Variants in SCN2A observed in about 807,000 individuals in gnomAD.
The protein encoded by SCN2A is sodium channel protein type 2 subunit alpha.
In SCN2A, 20 loss-of-function variants were observed where a neutral mutation model predicts 188.7. That is an observed-to-expected ratio of 0.11 (90% CI 0.07 to 0.15). The LOEUF (loss-of-function observed/expected upper bound fraction) is 0.15, where lower values mean the gene tolerates loss of function less well. SCN2A is among the 10% of genes least tolerant of loss of function. SCN2A has a pLI of 1.00. For missense variants in SCN2A, 1,278 were observed against 2,445.0 expected (o/e 0.52, Z 10.07); for synonymous variants, 804 against 833.1 (o/e 0.97, Z 0.60).
intron 22 of SCN2A, among the ~76,000 whole-genome samples, chr2:165,375,405 A>ACG (rs1701255023): frequency 6.6e-6 from 1 of 151,784 alleles, no homozygotes; most frequent in Non-Finnish European, 1.5e-5. Context: ...ATATATGTAT[A>ACG]TGTATATATA....
intron 1 of SCN2A, among the ~76,000 whole-genome samples, chr2:165,255,199 C>G (rs1470506638): frequency 1.3e-5 from 2 of 151,658 alleles, no homozygotes; most frequent in African/African-American, 4.8e-5. Flanking sequence ...TTGATTTTCC[C>G]ATAGGGGTAT....
intron 1 of SCN2A, among the ~76,000 whole-genome samples, chr2:165,266,073 C>A (rs1694847977): frequency 6.6e-6 from 1 of 151,858 alleles, no homozygotes; most frequent in Non-Finnish European, 1.5e-5. Flanking sequence ...TTGGAAAGAT[C>A]ATCATTTTAC....
At chr2:165,367,943 C>G (rs1426447894) in intron 19 of SCN2A, among the ~76,000 whole-genome samples, 1 of 152,168 alleles carries the variant, frequency 6.6e-6, no homozygotes, top group Admixed American at 6.5e-5. Context: ...TTACAGTGCC[C>G]TTTTAGCTTT....
At chr2:165,259,931 A>ATTTTTTTTTTTTTTTTTTTTTTTTTT (rs140137535) in intron 1 of SCN2A, among the ~76,000 whole-genome samples, 1 of 89,494 alleles carries the variant, frequency 1.1e-5, no homozygotes, top group African/African-American at 4.6e-5. Flanking sequence ...CTAAAAATGG[A>ATTTTTTTTTTTTTTTTTTTTTTTTTT]TTTTTTTTTT....
At chr2:165,303,483 G>A (rs1050764482) in intron 3 of SCN2A, among the ~76,000 whole-genome samples, 3 of 151,888 alleles carry the variant, frequency 2.0e-5, no homozygotes, top group African/African-American at 4.8e-5. Context: ...CACCGTGTTA[G>A]CCAGGGTGGT....
intron 14 of SCN2A, among the ~76,000 whole-genome samples, chr2:165,332,576 C>G (rs1371451060): frequency 6.6e-6 from 1 of 151,914 alleles, no homozygotes; most frequent in East Asian, 1.9e-4. Flanking sequence ...ACTCTGAAAG[C>G]TATTTCAGAG....
chr2:165,311,151 G>T (rs1156668746), intron 7 of SCN2A, among the ~76,000 whole-genome samples: 1 of 137,688 alleles, frequency 7.3e-6, no homozygotes, highest in Non-Finnish European at 1.6e-5. Context: ...TCATTGTATT[G>T]TAGTTACCAG....
intron 3 of SCN2A, among the ~76,000 whole-genome samples, chr2:165,299,594 G>A (rs1696695452): frequency 6.6e-6 from 1 of 152,206 alleles, no homozygotes; most frequent in South Asian, 2.1e-4. Context: ...ATCCTTCCAT[G>A]TTTTGGTGAT....
chr2:165,258,113 A>C (rs1298229689), intron 1 of SCN2A, among the ~76,000 whole-genome samples: 1 of 152,132 alleles, frequency 6.6e-6, no homozygotes, highest in Non-Finnish European at 1.5e-5. Flanking sequence ...CCCATTCTGT[A>C]GGTTGTCAGT....
At chr2:165,377,743 T>A in intron 23 of SCN2A, 93 bp downstream of exon 23, 4 of 1,032,292 alleles carry the variant, frequency 3.9e-6, no homozygotes, top group Non-Finnish European at 5.8e-6. Flanking sequence ...AATAAAATTA[T>A]GTGCTTAATT....
intron 18 of SCN2A, among the ~76,000 whole-genome samples, chr2:165,366,105 G>A (rs1700713328): frequency 6.6e-6 from 1 of 152,008 alleles, no homozygotes; most frequent in South Asian, 2.1e-4. Context: ...TATCCTTCAA[G>A]ATCTAGTCTC....
At chr2:165,380,005 CA>C (rs1206204113) in intron 23 of SCN2A, among the ~76,000 whole-genome samples, 1 of 151,782 alleles carries the variant, frequency 6.6e-6, no homozygotes, top group African/African-American at 2.4e-5. Context: ...AAGGAAAGAT[CA>C]ACCTATATAC....
At position 165,340,899 on chromosome 2, in the gene SCN2A, T is replaced by C. The variant is rs562786249; in HGVS notation, c.2389-1397T>C. Reference sequence around the variant, plus strand: ...TTTGGATTTATTGGTGATGTCGGTCTTGTTGGTGAAGTTTGTTAAAGCCAT... The same window carrying C: ...TTTGGATTTATTGGTGATGTCGGTCCTGTTGGTGAAGTTTGTTAAAGCCAT... On this transcript the variant is annotated intron_variant, in intron 14 of 26. Transcript: ENST00000375437. 3.9e-5 allele frequency among the ~76,000 whole-genome samples: 6 copies of C among 152,294 alleles called. No homozygotes were observed. The South Asian group carries it at 1.0e-3, about 26-fold the overall frequency.
At chr2:165,263,092 TG>T in intron 1 of SCN2A, among the ~76,000 whole-genome samples, 1 of 152,196 alleles carries the variant, frequency 6.6e-6, no homozygotes, top group Non-Finnish European at 1.5e-5. Flanking sequence ...TGAGATTGTT[TG>T]TTTTTTTCTG....
chr2:165,372,935 T>C (rs1389631862), intron 20 of SCN2A: 4 of 261,308 alleles, frequency 1.5e-5, no homozygotes, highest in Non-Finnish European at 3.0e-5. Flanking sequence ...TTTAAAAACA[T>C]TTCCTACCAA....
chr2:165,284,606 G>A (rs562240403), intron 1 of SCN2A, among the ~76,000 whole-genome samples: 23 of 152,160 alleles, frequency 1.5e-4, no homozygotes, highest in African/African-American at 5.1e-4. Flanking sequence ...AAGAGAATGG[G>A]GACTGATGGA....
intron 20 of SCN2A, chr2:165,370,587 C>CT (rs917091102): frequency 8.8e-6 from 3 of 342,440 alleles, no homozygotes; most frequent in African/African-American, 6.2e-5. Context: ...AGAAATTTTG[C>CT]TTTTTGCACA....
chr2:165,352,482 A>G (rs879789045), intron 16 of SCN2A, among the ~76,000 whole-genome samples: 1 of 152,170 alleles, frequency 6.6e-6, no homozygotes, highest in Admixed American at 6.5e-5. Flanking sequence ...AAGAATGTAG[A>G]ATCCTTTTTA....
At chr2:165,300,233 A>T (rs1696730511) in intron 3 of SCN2A, among the ~76,000 whole-genome samples, 1 of 152,058 alleles carries the variant, frequency 6.6e-6, no homozygotes, top group Non-Finnish European at 1.5e-5. Context: ...CCTCTAATTT[A>T]TTTTGCATTT....
Sources: allele counts gnomAD v4.1 joint callset (sites outside exome capture counted in the v4.1 genomes callset), GRCh38; gene constraint gnomAD v4.1.1; transcripts MANE v1.5; gene names NCBI Gene and HGNC (gene_info 2026-07-23, HGNC 2026-07-21).